NEBL: variants seen among roughly 807,000 people sequenced by gnomAD.
The protein encoded by NEBL is nebulette.
In NEBL, 122 loss-of-function variants were observed where a neutral mutation model predicts 140.2. That is an observed-to-expected ratio of 0.87 (90% CI 0.75 to 1.01). The LOEUF (loss-of-function observed/expected upper bound fraction) is 1.01, where lower values mean the gene tolerates loss of function less well. Among genes scored for constraint, NEBL ranks in the 50% least tolerant of loss-of-function variants. The pLI is 0.00. For synonymous variants in NEBL, 436 were observed against 398.9 expected, an observed-to-expected ratio of 1.09 and a Z score of -1.11; for missense variants, 1,365 against 1,231.3, an observed-to-expected ratio of 1.11 and a Z score of -1.62.
intron 22 of NEBL, among the ~76,000 whole-genome samples, chr10:20,815,306 T>A (rs1175658960): frequency 6.6e-6 from 1 of 152,200 alleles, no homozygotes; most frequent in African/African-American, 2.4e-5. Flanking sequence ...TGACAATTAT[T>A]TAACGCACAC....
chr10:21,180,282 A>G (rs1048816504), intron 3 of NEBL, among the ~76,000 whole-genome samples: 7 of 152,198 alleles, frequency 4.6e-5, no homozygotes, highest in Non-Finnish European at 1.0e-4. Context: ...AAGGAAACTA[A>G]TACACCCTCT....
In NEBL at chr10:20,869,830, C is replaced by T. The variant is rs753749663; in HGVS notation, c.492G>A (p.Arg164=). Reference sequence around the variant, plus strand: ...ACGTGTGGGTGTCCTGCACGTCTTTCCTATAAGAAATCTGATCAGAGACAG... The same window carrying T: ...ACGTGTGGGTGTCCTGCACGTCTTTTCTATAAGAAATCTGATCAGAGACAG... ...VNKHQSNISY[R]KDVQDTHTYS... is the part of the protein sequence containing the mutation. The change falls in exon 6 of 28, where the codon AGG becomes AGA. Residue 164 remains arginine (R), a synonymous_variant. Transcript: ENST00000377122. 4 of 1,610,016 alleles carry T rather than the reference C, an allele frequency of 2.5e-6. No individual in the cohort carries two copies. Among genetic ancestry groups the T allele is most frequent in the South Asian group, 1.1e-5 (1 of 90,992 alleles).
intron 3 of NEBL, among the ~76,000 whole-genome samples, chr10:21,195,338 A>T (rs1341664030): frequency 1.3e-5 from 2 of 152,232 alleles, no homozygotes; most frequent in Non-Finnish European, 2.9e-5. Flanking sequence ...AGTGACAGCC[A>T]TAAAATTAAC....
intron 3 of NEBL, among the ~76,000 whole-genome samples, chr10:21,216,485 C>G (rs1841994352): frequency 6.6e-6 from 1 of 152,078 alleles, no homozygotes; most frequent in Non-Finnish European, 1.5e-5. Flanking sequence ...GAAAACCCAT[C>G]TCTTGGGCCA....
chr10:20,934,415 T>C (rs998695623), intron 4 of NEBL, among the ~76,000 whole-genome samples: 2 of 152,176 alleles, frequency 1.3e-5, no homozygotes, highest in African/African-American at 4.8e-5. Flanking sequence ...GACTCATTAG[T>C]CATTCTCCTT....
intron 1 of NEBL, among the ~76,000 whole-genome samples, chr10:21,254,644 C>T (rs545140003): frequency 3.3e-5 from 5 of 152,270 alleles, no homozygotes; most frequent in South Asian, 2.1e-4. Context: ...AGAACATGCA[C>T]GTGTTGTTGG....
chr10:21,242,066 G>C (rs764829088), intron 3 of NEBL, among the ~76,000 whole-genome samples: 1 of 152,122 alleles, frequency 6.6e-6, no homozygotes, highest in Non-Finnish European at 1.5e-5. Flanking sequence ...GCTGGGTGTG[G>C]TGGCACACAC....
chr10:21,078,509 A>C (rs1317873645), intron 2 of NEBL, among the ~76,000 whole-genome samples: 2 of 151,998 alleles, frequency 1.3e-5, no homozygotes, highest in African/African-American at 2.4e-5. Context: ...CCTGAGTTTC[A>C]CTCCTGGTTA....
At chr10:20,985,701 A>G (rs1837228891) in intron 3 of NEBL, among the ~76,000 whole-genome samples, 2 of 152,148 alleles carry the variant, frequency 1.3e-5, no homozygotes, top group Non-Finnish European at 2.9e-5. Flanking sequence ...TTTATTTCCC[A>G]CAATCTACTA....
At chr10:21,114,304 A>G (rs1467431291) in intron 2 of NEBL, among the ~76,000 whole-genome samples, 1 of 152,112 alleles carries the variant, frequency 6.6e-6, no homozygotes, top group African/African-American at 2.4e-5. Context: ...AATGACTTAA[A>G]TCTTTTTAAA....
chr10:20,981,028 G>A (rs1027847209), intron 3 of NEBL, among the ~76,000 whole-genome samples: 5 of 152,008 alleles, frequency 3.3e-5, no homozygotes, highest in South Asian at 2.1e-4. Context: ...GGCCCCAAGC[G>A]ATCCTACCAC....
rs560480876 is a variant in NEBL, at chr10:20,782,523, T to C, written c.*3224A>G. 9 of 152,422 alleles carry C rather than the reference T, an allele frequency of 5.9e-5. No homozygotes were observed. The East Asian group carries it at 1.7e-3, about 29-fold the overall frequency. 9.4% of individuals were successfully genotyped at this position (152,422 alleles called of 1,614,324 possible). On this transcript the variant is annotated 3_prime_UTR_variant, in exon 28 of 28. Coordinates refer to ENST00000377122, the MANE Select transcript of NEBL (RefSeq NM_006393.3). Reference sequence around the variant, plus strand: ...GTTGTCAAGCTCAGCATGGAGAGGATAAGGAAAGACTGTGGCACATTGGAA... The same window carrying C: ...GTTGTCAAGCTCAGCATGGAGAGGACAAGGAAAGACTGTGGCACATTGGAA...
chr10:20,962,166 C>T (rs1836081798), intron 3 of NEBL, among the ~76,000 whole-genome samples: 1 of 152,180 alleles, frequency 6.6e-6, no homozygotes, highest in South Asian at 2.1e-4. Context: ...ACCATTACTA[C>T]TGTGAAAGGA....
At chr10:21,278,626 A>AG (rs1382635234) in intron 1 of NEBL, among the ~76,000 whole-genome samples, 2 of 152,212 alleles carry the variant, frequency 1.3e-5, no homozygotes, top group Non-Finnish European at 2.9e-5. Context: ...TTACTGTATT[A>AG]GGGGTCTATC....
intron 3 of NEBL, among the ~76,000 whole-genome samples, chr10:21,184,268 T>C (rs1183629076): frequency 6.6e-6 from 1 of 152,212 alleles, no homozygotes; most frequent in Non-Finnish European, 1.5e-5. Context: ...TCTCAGATAA[T>C]GCAACAAAAA....
At chr10:20,937,901 C>T (rs532451535) in intron 4 of NEBL, among the ~76,000 whole-genome samples, 1 of 152,310 alleles carries the variant, frequency 6.6e-6, no homozygotes, top group Admixed American at 6.5e-5. Context: ...GAGGGGCGCC[C>T]GCCATTGCCC....
intron 2 of NEBL, among the ~76,000 whole-genome samples, chr10:21,150,119 G>C (rs541782356): frequency 6.6e-6 from 1 of 152,234 alleles, no homozygotes; most frequent in South Asian, 2.1e-4. Flanking sequence ...ATTTTTGAAA[G>C]ACTAAGACTG....
intron 3 of NEBL, among the ~76,000 whole-genome samples, chr10:20,980,794 T>C (rs2131663121): frequency 6.6e-6 from 1 of 152,348 alleles, no homozygotes; most frequent in South Asian, 2.1e-4. Context: ...CTGATTTTCT[T>C]TGTAAGTATC....
chr10:21,285,013 G>A (rs957136481), intron 1 of NEBL, among the ~76,000 whole-genome samples: 6 of 152,166 alleles, frequency 3.9e-5, no homozygotes, highest in African/African-American at 1.4e-4. Flanking sequence ...CAGAGCTATC[G>A]TGGTACCACT....
Sources: allele counts gnomAD v4.1 joint callset (sites outside exome capture counted in the v4.1 genomes callset), GRCh38; gene constraint gnomAD v4.1.1; transcripts MANE v1.5; gene names NCBI Gene and HGNC (gene_info 2026-07-23, HGNC 2026-07-21).